The following CLEC19A variants were observed in gnomAD, a reference collection of about 807,000 sequenced individuals.
The protein encoded by CLEC19A is C-type lectin domain family 19 member A.
CLEC19A carries 21 observed loss-of-function variants against 26.1 expected under a neutral mutation model. The ratio of observed to expected loss-of-function variants is 0.80; its 90% CI spans 0.57 to 1.16. CLEC19A has a LOEUF of 1.16. Among genes scored for constraint, CLEC19A ranks in the 50% most tolerant of loss-of-function variants. CLEC19A has a pLI of 0.00. For missense variants in CLEC19A, 224 were observed against 227.6 expected (o/e 0.98, Z 0.10); for synonymous variants, 89 against 88.6 (o/e 1.00, Z -0.03).
intron 1 of CLEC19A, among the ~76,000 whole-genome samples, chr16:19,288,735 T>C (rs1897522850): frequency 6.6e-6 from 1 of 152,168 alleles, no homozygotes. Flanking sequence ...TACGTAAACA[T>C]TTATTATTCT....
At chr16:19,301,736 G>GTTTTTTTGTTTT (rs1897829442) in intron 2 of CLEC19A, among the ~76,000 whole-genome samples, 2 of 81,498 alleles carry the variant, frequency 2.5e-5, no homozygotes, top group Non-Finnish European at 2.3e-5. Flanking sequence ...GGTTTTTTTG[G>GTTTTTTTGTTTT]TTTTTTTTTT....
intron 1 of CLEC19A, among the ~76,000 whole-genome samples, chr16:19,290,674 G>A (rs1897564758): frequency 6.6e-6 from 1 of 152,130 alleles, no homozygotes; most frequent in Admixed American, 6.5e-5. Flanking sequence ...TGGGATCCTT[G>A]AAGATGGGGA....
chr16:19,291,964 G>A (rs949642368), intron 1 of CLEC19A, among the ~76,000 whole-genome samples: 17 of 152,244 alleles, frequency 1.1e-4, no homozygotes, highest in Middle Eastern at 6.8e-3. Flanking sequence ...GGGGAGGTGG[G>A]GTGTAAATGG....
In CLEC19A at chr16:19,295,129, G is replaced by T. The variant is rs374539315; in HGVS notation, c.89-3544G>T. On this transcript the variant is annotated intron_variant, in intron 1 of 4. Transcript: ENST00000636231. ...GGCGGCGATAAAATTCCCCCTCACT[G>T]CTTGAGAGTGATCAACCAATTTCAG... Among the ~76,000 whole-genome samples the T allele has an allele frequency of 4.6e-5, 7 of 152,224 alleles. No homozygotes were observed. The East Asian group carries it at 1.4e-3, about 29-fold the overall frequency.
At position 19,292,258 on chromosome 16, in the gene CLEC19A, T is replaced by G. The variant is rs191693270; in HGVS notation, c.88+6319T>G. 1.7e-3 allele frequency among the ~76,000 whole-genome samples: 264 copies of G among 152,304 alleles called. 1 individual carries two copies. The highest frequency in any genetic ancestry group is 4.5e-3 in the Admixed American group (69 of 15,288). ...CATTCACAAGAATCACCTGGGGCTCTTATGAAAATGCAGACTCCGATTTGG... is the reference window on the plus strand; with the variant it reads ...CATTCACAAGAATCACCTGGGGCTCGTATGAAAATGCAGACTCCGATTTGG... On this transcript the variant is annotated intron_variant, in intron 1 of 4. Coordinates refer to ENST00000636231, the MANE Select transcript of CLEC19A (RefSeq NM_001256720.2).
chr16:19,286,732 GATTT>G (rs1223191752), intron 1 of CLEC19A, among the ~76,000 whole-genome samples: 6 of 152,080 alleles, frequency 3.9e-5, no homozygotes, highest in Admixed American at 3.9e-4. Context: ...TTCATATATG[GATTT>G]ATTTATCATA....
chr16:19,301,736 G>GTTTTTTTTTTTTGTTTT (rs1897829782), intron 2 of CLEC19A, among the ~76,000 whole-genome samples: 1 of 81,498 alleles, frequency 1.2e-5, no homozygotes, highest in Non-Finnish European at 2.3e-5. Context: ...GGTTTTTTTG[G>GTTTTTTTTTTTTGTTTT]TTTTTTTTTT....
intron 2 of CLEC19A, chr16:19,303,778 C>A: frequency 3.2e-6 from 1 of 316,856 alleles, no homozygotes; most frequent in Non-Finnish European, 6.0e-6. Context: ...ATCATATCTT[C>A]AATATAATCC....
In CLEC19A at chr16:19,310,159, G is replaced by A. The variant is rs769317961; in HGVS notation, c.*1076G>A. 3 of 151,944 alleles carry A rather than the reference G, an allele frequency of 2.0e-5. No individual in the cohort carries two copies. The highest frequency in any genetic ancestry group is 6.6e-5 in the Admixed American group (1 of 15,234). The allele number at this position is 151,944 out of a possible 1,614,324, so 9.4% of individuals were successfully genotyped here. A position where few individuals can be genotyped will look rare whatever the true frequency, so the allele number is the denominator to read the frequency against. On this transcript the variant is annotated 3_prime_UTR_variant, in exon 5 of 5. Coordinates refer to ENST00000636231, the MANE Select transcript of CLEC19A (RefSeq NM_001256720.2). ...TCCTAGATCTCGACCTAAGAGAATCGGAAACAGGTATTTAAATATAAGTGG... is the reference window on the plus strand; with the variant it reads ...TCCTAGATCTCGACCTAAGAGAATCAGAAACAGGTATTTAAATATAAGTGG...
chr16:19,298,632 C>T, intron 1 of CLEC19A, 41 bp from the exon 2 acceptor site: 1 of 1,543,768 alleles, frequency 6.5e-7, no homozygotes. Context: ...AATGTCAGCA[C>T]TGCCAACCTT....
At chr16:19,305,569 G>T (rs1322494288) in intron 3 of CLEC19A, among the ~76,000 whole-genome samples, 1 of 152,176 alleles carries the variant, frequency 6.6e-6, no homozygotes, top group Non-Finnish European at 1.5e-5. Flanking sequence ...TAAGGTTCCA[G>T]TGCCAGCTCC....
At chr16:19,290,517 C>T (rs1048101197) in intron 1 of CLEC19A, among the ~76,000 whole-genome samples, 3 of 152,336 alleles carry the variant, frequency 2.0e-5, no homozygotes, top group Non-Finnish European at 2.9e-5. Flanking sequence ...GTTCATCCTC[C>T]GGGTCTCAGT....
At chr16:19,301,856 G>A (rs902900468) in intron 2 of CLEC19A, among the ~76,000 whole-genome samples, 11 of 146,556 alleles carry the variant, frequency 7.5e-5, no homozygotes. Context: ...CTCCTAAAGT[G>A]CTGGGATTAT....
chr16:19,294,317 G>C (rs185176907), intron 1 of CLEC19A, among the ~76,000 whole-genome samples: 129 of 152,300 alleles, frequency 8.5e-4, no homozygotes, highest in African/African-American at 3.0e-3. Flanking sequence ...AGGAAGTGAG[G>C]GGGGGTGCCC....
intron 2 of CLEC19A, among the ~76,000 whole-genome samples, chr16:19,303,034 T>C (rs187882751): frequency 6.2e-4 from 95 of 152,302 alleles, no homozygotes; most frequent in African/African-American, 2.3e-3. Context: ...AAAATTTGGC[T>C]TTTCTGGGTC....
In CLEC19A at chr16:19,310,298, A is replaced by G. The variant is rs1294527807; in HGVS notation, c.*1215A>G. 6.6e-6 allele frequency: 1 copy of G among 151,922 alleles called. No homozygotes were observed. Among genetic ancestry groups the G allele is most frequent in the Non-Finnish European group, 1.5e-5 (1 of 67,988 alleles). 9.4% of individuals were successfully genotyped at this position (151,922 alleles called of 1,614,324 possible). A position where few individuals can be genotyped will look rare whatever the true frequency, so the allele number is the denominator to read the frequency against. ...AGCCTGGGCAACATAGTAAGACCCC[A>G]TCTCCATAAGAAAAATTTTTTAATT... is the stretch of plus-strand genomic sequence containing the variant. On this transcript the variant is annotated 3_prime_UTR_variant, in exon 5 of 5. Coordinates refer to ENST00000636231, the MANE Select transcript of CLEC19A (RefSeq NM_001256720.2).
intron 1 of CLEC19A, among the ~76,000 whole-genome samples, chr16:19,288,348 C>A (rs750861288): frequency 2.0e-5 from 3 of 152,064 alleles, no homozygotes; most frequent in Non-Finnish European, 4.4e-5. Flanking sequence ...TGGGCCCCGG[C>A]CGACCATGAG....
At chr16:19,301,919 A>G (rs1897844855) in intron 2 of CLEC19A, among the ~76,000 whole-genome samples, 1 of 151,872 alleles carries the variant, frequency 6.6e-6, no homozygotes, top group Admixed American at 6.6e-5. Context: ...CTTGTGAGGC[A>G]TTAAAAGTGA....
In CLEC19A at chr16:19,310,597, G is replaced by T. The variant is rs1018601096; in HGVS notation, c.*1514G>T. The T allele has an allele frequency of 6.6e-6, 1 of 152,156 alleles. No individual in the cohort carries two copies. The highest frequency in any genetic ancestry group is 1.5e-5 in the Non-Finnish European group (1 of 68,028). The allele number at this position is 152,156 out of a possible 1,614,324, so 9.4% of individuals were successfully genotyped here. On this transcript the variant is annotated 3_prime_UTR_variant, in exon 5 of 5. Coordinates refer to ENST00000636231, the MANE Select transcript of CLEC19A (RefSeq NM_001256720.2). Reference sequence around the variant, plus strand: ...ACAAATGTGGTCTATTCATAGGGTGGAATATTATTCAAGCATAAAAAGGAA... The same window carrying T: ...ACAAATGTGGTCTATTCATAGGGTGTAATATTATTCAAGCATAAAAAGGAA...
Sources: gnomAD v4.1 joint callset for allele counts (sites outside exome capture counted in the v4.1 genomes callset) on GRCh38, gnomAD v4.1.1 for gene constraint, MANE v1.5 for transcripts, NCBI Gene and HGNC (gene_info 2026-07-23, HGNC 2026-07-21) for gene names.